Variants in TLCD3B observed in about 807,000 individuals in gnomAD.
The protein encoded by TLCD3B is TLC domain containing 3B.
TLCD3B carries 9 observed loss-of-function variants against 23.0 expected under a neutral mutation model. That is an observed-to-expected ratio of 0.39 (90% confidence interval 0.24 to 0.68). TLCD3B has a LOEUF of 0.68. Ranked by LOEUF, TLCD3B falls within the 30% of genes least tolerant of loss-of-function variation. The pLI is 0.44. For missense variants in TLCD3B, 307 were observed against 371.8 expected (o/e 0.83, Z 1.43); for synonymous variants, 161 against 161.0 (o/e 1.00, Z 0.00).
chr16:30,039,816 G>T (rs975907924), intron 3 of TLCD3B, among the ~76,000 whole-genome samples: 1 of 151,246 alleles, frequency 6.6e-6, no homozygotes, highest in African/African-American at 2.4e-5. Context: ...CTTCCCTCTG[G>T]ATGGGACTCT....
rs1178804058 is a variant in TLCD3B at position 30,040,159 on chromosome 16, T to A, written c.-67+836A>T. 2.3e-4 allele frequency among the ~76,000 whole-genome samples: 32 copies of A among 139,174 alleles called. 1 individual carries two copies. Among genetic ancestry groups the A allele is most frequent in the African/African-American group, 9.0e-4 (32 of 35,602 alleles). 91.3% of individuals were successfully genotyped at this position (139,174 alleles called of 152,430 possible). ...AAAAAAAAAAAAAAATATATATATA[T>A]ATATATATATATGAAAAGATCCTGA... On this transcript the variant is annotated intron_variant, in intron 3 of 6. Transcript: ENST00000561666.
At chr16:30,028,244 T>C (rs1354353137) in intron 2 of TLCD3B, among the ~76,000 whole-genome samples, 1 of 151,618 alleles carries the variant, frequency 6.6e-6, no homozygotes, top group Non-Finnish European at 1.5e-5. Flanking sequence ...TCATGTGAGG[T>C]GTTAGATCCC....
At chr16:30,035,869 TCTC>T (rs544218928), upstream of TLCD3B, among the ~76,000 whole-genome samples, 1 of 151,806 alleles carries the variant, frequency 6.6e-6, no homozygotes, top group Non-Finnish European at 1.5e-5. Context: ...TTCAAGCAAT[TCTC>T]CTGCTTCAGC....
rs2071047943 is a variant in TLCD3B, at chr16:30,025,112, C to CA, written c.*70dup. Reference sequence around the variant, plus strand: ...GCAAGAGGACCCTGGCTCCCAACCCCAGCCATCAGCCCCAGAGCCCTGTCT... The same window carrying CA: ...GCAAGAGGACCCTGGCTCCCAACCCCAAGCCATCAGCCCCAGAGCCCTGTCT... On this transcript the variant is annotated 3_prime_UTR_variant, in exon 5 of 5. Transcript: ENST00000380495. The surrounding 1 kb of genome is among the most constrained non-coding windows in gnomAD (Gnocchi z 4.1). 6.3e-6 allele frequency: 7 copies of CA among 1,104,676 alleles called. No homozygotes were observed. The highest frequency in any genetic ancestry group is 8.7e-6 in the Non-Finnish European group (7 of 803,724). The allele number at this position is 1,104,676 out of a possible 1,614,324, so 68.4% of individuals were successfully genotyped here.
rs113693980 is a variant in TLCD3B at position 30,048,857 on chromosome 16, A to G, written c.-293-2470T>C. ...GCGATCTTGGCTCACTGCAACCTTC[A>G]CCTCATGGGTTCCAGCAATTCTCCT... On this transcript the variant is annotated intron_variant, in intron 1 of 6. Transcript: ENST00000561666. Among the ~76,000 whole-genome samples, 1,429 of 151,608 alleles carry G rather than the reference A, an allele frequency of 9.4e-3. 15 individuals carry two copies. The highest frequency in any genetic ancestry group is 0.032 in the African/African-American group (1,338 of 41,300).
rs1234557044 is a variant in TLCD3B, at chr16:30,030,388, A to C, written c.125+15T>G. 1 of 1,551,364 alleles carries C rather than the reference A, an allele frequency of 6.4e-7. No homozygotes were observed. Among genetic ancestry groups the C allele is most frequent in the African/African-American group, 1.4e-5 (1 of 72,624 alleles). ...AAGAAGCAGACAGGGGCTGAGGGGA[A>C]AGAAAGTGGTTTACCTGGCTGAGAC... On this transcript the variant is annotated intron_variant, in intron 1 of 4. Coordinates refer to ENST00000380495, the MANE Select transcript of TLCD3B (RefSeq NM_031478.6).
rs750733115 is a variant in TLCD3B at position 30,026,749 on chromosome 16, C to T, written c.304G>A (p.Val102Ile). The T allele has an allele frequency of 1.5e-5, 25 of 1,614,020 alleles. 1 individual carries two copies. The South Asian group carries it at 2.5e-4, about 16-fold the overall frequency. The change falls in exon 3 of 5, where the codon GTC (valine) becomes ATC (isoleucine). Residue 102 changes from valine to isoleucine, a missense_variant. By Grantham distance (29) the Val-to-Ile change is conservative (BLOSUM62 3). Coordinates refer to ENST00000380495, the MANE Select transcript of TLCD3B (RefSeq NM_031478.6). The part of the protein sequence containing the change: ...MFLCHWHKHQ[V>I]KGHGGDDGAA... The stretch of plus-strand genomic sequence containing the variant: ...CCGTCGTCCCCTCCATGCCCTTTGA[C>T]CTGGTGCTTGTGCCAGTGACAGAGG...
chr16:30,048,851 A>G (rs1299555537), intron 1 of TLCD3B, among the ~76,000 whole-genome samples: 1 of 151,792 alleles, frequency 6.6e-6, no homozygotes, highest in Non-Finnish European at 1.5e-5. Context: ...GCTCACTGCA[A>G]CCTTCACCTC....
intron 1 of TLCD3B, among the ~76,000 whole-genome samples, chr16:30,047,684 C>A (rs2071693672): frequency 6.6e-6 from 1 of 151,874 alleles, no homozygotes; most frequent in Non-Finnish European, 1.5e-5. Flanking sequence ...GTCTCAAACT[C>A]CTGACCTCAG....
upstream of TLCD3B, chr16:30,031,376 CA>C (rs1322751939): frequency 6.6e-6 from 1 of 152,152 alleles, no homozygotes; most frequent in Non-Finnish European, 1.5e-5. Flanking sequence ...CTGCTGGGGA[CA>C]GGGGACAGGG....
intron 2 of TLCD3B, among the ~76,000 whole-genome samples, chr16:30,045,443 T>C (rs2071653028): frequency 7.1e-6 from 1 of 140,988 alleles, no homozygotes; most frequent in African/African-American, 2.7e-5. Context: ...GGTGTGTGTG[T>C]GGTGCATGTG....
intron 2 of TLCD3B, among the ~76,000 whole-genome samples, chr16:30,044,291 C>T (rs1007074524): frequency 6.6e-6 from 1 of 151,722 alleles, no homozygotes; most frequent in African/African-American, 2.4e-5. Context: ...AGCCACAGTG[C>T]TAAACTAACC....
chr16:30,048,684 C>T (rs1470703850), intron 1 of TLCD3B, among the ~76,000 whole-genome samples: 1 of 151,872 alleles, frequency 6.6e-6, no homozygotes, highest in Non-Finnish European at 1.5e-5. Context: ...ACTGCAACCT[C>T]TGCCCTCTGC....
intron 2 of TLCD3B, chr16:30,046,253 C>T (rs2071672823): frequency 6.6e-6 from 1 of 152,392 alleles, no homozygotes; most frequent in Non-Finnish European, 1.5e-5. Flanking sequence ...GCCTGTCTCC[C>T]CAGGTGAGTT....
intron 1 of TLCD3B, among the ~76,000 whole-genome samples, chr16:30,047,053 T>C (rs1427279329): frequency 6.6e-6 from 1 of 151,960 alleles, no homozygotes; most frequent in Non-Finnish European, 1.5e-5. Flanking sequence ...CTTGAACTCC[T>C]GGGCTCAACT....
At position 30,025,723 on chromosome 16, in the gene TLCD3B, C is replaced by G. The variant is rs774458394; in HGVS notation, c.540+3G>C. The G allele has an allele frequency of 1.2e-6, 2 of 1,613,978 alleles. No individual in the cohort carries two copies. The highest frequency in any genetic ancestry group is 1.7e-6 in the Non-Finnish European group (2 of 1,179,992). ...GCTCCTGCACCCTCCCATGCTCACTCACCTGGATGAGGATCTTGCCAAGGC... is the reference window on the plus strand; with the variant it reads ...GCTCCTGCACCCTCCCATGCTCACTGACCTGGATGAGGATCTTGCCAAGGC... On this transcript the variant is annotated splice_donor_region_variant and intron_variant, in intron 4 of 4. Coordinates refer to ENST00000380495, the MANE Select transcript of TLCD3B (RefSeq NM_031478.6). This position sits in a 1 kb window ranked among gnomAD's most constrained non-coding sequence, Gnocchi z 4.1.
intron 2 of TLCD3B, among the ~76,000 whole-genome samples, chr16:30,028,870 G>C (rs757715553): frequency 3.3e-4 from 50 of 152,210 alleles, no homozygotes; most frequent in Admixed American, 7.2e-4. Flanking sequence ...CCTCCTGCCT[G>C]CACACCTCTG....
chr16:30,035,367 C>T (rs1189500117), upstream of TLCD3B: 1 of 1,289,656 alleles, frequency 7.8e-7, no homozygotes, highest in Admixed American at 2.3e-5. Context: ...GCTACCAGGA[C>T]AGCCTCTTGT....
intron 1 of TLCD3B, among the ~76,000 whole-genome samples, chr16:30,051,662 A>G (rs1199126641): frequency 6.6e-6 from 1 of 152,200 alleles, no homozygotes; most frequent in Admixed American, 6.5e-5. Context: ...GGCCCCAGAC[A>G]CTTGCAGTCT....
Sources: allele counts gnomAD v4.1 joint callset (sites outside exome capture counted in the v4.1 genomes callset), GRCh38; gene constraint gnomAD v4.1.1; non-coding constraint Gnocchi (gnomAD v3.1); transcripts MANE v1.5; gene names NCBI Gene and HGNC (gene_info 2026-07-23, HGNC 2026-07-21).